The following SLC6A17 variants were observed in gnomAD, a reference collection of about 807,000 sequenced individuals.
SLC6A17 encodes the protein solute carrier family 6 member 17.
In SLC6A17, 21 loss-of-function variants were observed where a neutral mutation model predicts 64.5. The ratio of observed to expected loss-of-function variants is 0.33; its 90% CI spans 0.23 to 0.47. SLC6A17 has a LOEUF of 0.47. SLC6A17 is among the 20% of genes least tolerant of loss of function. The probability of loss-of-function intolerance (pLI) is 1.00; values close to 1 mark genes in which losing one functional copy is unlikely to be tolerated. For missense variants in SLC6A17, 682 were observed against 963.2 expected (o/e 0.71, Z 3.86); for synonymous variants, 372 against 399.5 (o/e 0.93, Z 0.82).
Position 110,192,308 on chromosome 1 carries a change from G to A in SLC6A17, c.1106+95G>A. ...GGCGCAGGTGTGCATGGGGAGAGAG[G>A]TCCCCTCCACTCAGACTGAGGAATG... On this transcript the variant is annotated intron_variant, in intron 7 of 11. Coordinates refer to ENST00000331565, the MANE Select transcript of SLC6A17 (RefSeq NM_001010898.4). The surrounding 1 kb of genome is among the most constrained non-coding windows in gnomAD (Gnocchi z 4.3). The A allele has an allele frequency of 6.6e-7, 1 of 1,522,892 alleles. No individual in the cohort carries two copies. The highest frequency in any genetic ancestry group is 8.9e-7 in the Non-Finnish European group (1 of 1,122,800). The allele number at this position is 1,522,892 out of a possible 1,614,324, so 94.3% of individuals were successfully genotyped here. A position where few individuals can be genotyped will look rare whatever the true frequency, so the allele number is the denominator to read the frequency against.
chr1:110,156,076 C>T (rs958418598), intron 1 of SLC6A17, among the ~76,000 whole-genome samples: 1 of 152,196 alleles, frequency 6.6e-6, no homozygotes, highest in African/African-American at 2.4e-5. Flanking sequence ...GGGGCTGGCT[C>T]GCAGAATAGC....
intron 2 of SLC6A17, 102 bp downstream of exon 2, chr1:110,167,317 T>C: frequency 1.4e-6 from 2 of 1,420,930 alleles, no homozygotes; most frequent in Non-Finnish European, 1.9e-6. Flanking sequence ...GGAGCCCTTG[T>C]AGGTTGGAGC....
chr1:110,195,520 C>G (rs576012135), intron 9 of SLC6A17, 66 bp from the exon 10 acceptor site: 2 of 1,580,434 alleles, frequency 1.3e-6, no homozygotes, highest in Non-Finnish European at 1.7e-6. Flanking sequence ...TGGGTGCCCC[C>G]GAGACCCCCA....
At chr1:110,191,393 G>A (rs569893744) in intron 6 of SLC6A17, among the ~76,000 whole-genome samples, 3 of 152,334 alleles carry the variant, frequency 2.0e-5, no homozygotes, top group Admixed American at 1.3e-4. Context: ...AAGCTTAGGC[G>A]GAGGCCCTTT....
rs1656909032 is a variant in SLC6A17 at position 110,194,523 on chromosome 1, G to A, written c.1300-56G>A. 5 of 1,572,878 alleles carry A rather than the reference G, an allele frequency of 3.2e-6. No homozygotes were observed. In the Admixed American group the frequency reaches 8.5e-5, roughly 27 times the overall value. Reference sequence around the variant, plus strand: ...TTTGAAGGGCAGAGGGAAGGAAGCAGTGGGCTCCCCAGGGAGGGGTGACCT... The same window carrying A: ...TTTGAAGGGCAGAGGGAAGGAAGCAATGGGCTCCCCAGGGAGGGGTGACCT... On this transcript the variant is annotated intron_variant, in intron 8 of 11. Transcript: ENST00000331565.
chr1:110,183,087 A>C (rs879313433), intron 6 of SLC6A17, among the ~76,000 whole-genome samples: 2 of 152,240 alleles, frequency 1.3e-5, no homozygotes, highest in Non-Finnish European at 2.9e-5. Context: ...GGTTAAACAG[A>C]GTTAGCATAT....
At chr1:110,170,598 C>T (rs2101845758) in intron 2 of SLC6A17, among the ~76,000 whole-genome samples, 1 of 152,360 alleles carries the variant, frequency 6.6e-6, no homozygotes, top group African/African-American at 2.4e-5. Flanking sequence ...TAAAGACAGA[C>T]CCAGGGGTCT....
intron 1 of SLC6A17, among the ~76,000 whole-genome samples, chr1:110,152,038 T>C (rs1161452970): frequency 2.6e-5 from 4 of 152,212 alleles, no homozygotes; most frequent in Non-Finnish European, 4.4e-5. Flanking sequence ...AGCGCCTAAC[T>C]GTTAAGGCCT....
In SLC6A17 at chr1:110,174,898, C is replaced by T. The variant is rs1306681861; in HGVS notation, c.691C>T (p.Leu231Phe). 1 of 1,614,200 alleles carries T rather than the reference C, an allele frequency of 6.2e-7. No individual in the cohort carries two copies. ...CCTCAACTGGAAGATGACCCTGTGC[C>T]TCCTCGTGGCCTGGAGCATCGTGGG... ...GGLNWKMTLC[L>F]LVAWSIVGMA... is the part of the protein sequence containing the mutation. Residue 231 changes from leucine to phenylalanine, a missense_variant, in exon 5 of 12, where the codon CTC becomes TTC. Leu to Phe is a conservative substitution (Grantham distance 22). This residue lies in a region of SLC6A17 where 415 missense variants were observed against 603.8 expected (regional missense o/e 0.69). Coordinates refer to ENST00000331565, the MANE Select transcript of SLC6A17 (RefSeq NM_001010898.4).
chr1:110,190,755 C>T (rs61784495), intron 6 of SLC6A17, among the ~76,000 whole-genome samples: 4 of 151,924 alleles, frequency 2.6e-5, no homozygotes, highest in Non-Finnish European at 5.9e-5. Flanking sequence ...TTAGGTTCAC[C>T]TCAGCAGCAA....
intron 10 of SLC6A17, among the ~76,000 whole-genome samples, chr1:110,196,085 G>C (rs1334667402): frequency 6.6e-6 from 1 of 152,202 alleles, no homozygotes; most frequent in African/African-American, 2.4e-5. Flanking sequence ...AGAACGTGTA[G>C]ACTTCAGCAG....
Position 110,172,082 on chromosome 1 carries a change from G to A in SLC6A17, c.309G>A (p.Leu103=). 1 of 1,614,120 alleles carries A rather than the reference G, an allele frequency of 6.2e-7. No homozygotes were observed. Among genetic ancestry groups the A allele is most frequent in the Non-Finnish European group, 8.5e-7 (1 of 1,180,004 alleles). The change falls in exon 3 of 12, where the codon CTG becomes CTA. Residue 103 remains leucine (L), a synonymous_variant. Coordinates refer to ENST00000331565, the MANE Select transcript of SLC6A17 (RefSeq NM_001010898.4). ...CAGGTGCTTACCTGGTGCCCTACCT[G>A]GTGCTGCTGATCATCATCGGGATCC... ...NGGGAYLVPY[L]VLLIIIGIPL... is the part of the protein sequence containing the mutation.
intron 1 of SLC6A17, among the ~76,000 whole-genome samples, chr1:110,163,502 C>T (rs954426565): frequency 1.2e-4 from 18 of 152,180 alleles, no homozygotes; most frequent in Admixed American, 3.3e-4. Context: ...ACTCTGTGTG[C>T]GGCTGCTCAT....
At chr1:110,159,465 T>C (rs183099668) in intron 1 of SLC6A17, among the ~76,000 whole-genome samples, 56 of 152,226 alleles carry the variant, frequency 3.7e-4, no homozygotes, top group South Asian at 2.3e-3. Context: ...AAACAAGATA[T>C]TGACTCAAGA....
intron 1 of SLC6A17, among the ~76,000 whole-genome samples, chr1:110,155,207 C>T (rs1348600063): frequency 6.6e-6 from 1 of 152,154 alleles, no homozygotes; most frequent in African/African-American, 2.4e-5. Context: ...TCCCAGAAAC[C>T]CTTGCTTCAT....
rs915166421 is a variant in SLC6A17 at position 110,201,082 on chromosome 1, A to T, written c.*2638A>T. ...AAATCCTCAAATTTATTTACCAGTC[A>T]GCTTCTTGCTGTTCCCAGTAGAATC... On this transcript the variant is annotated 3_prime_UTR_variant, in exon 12 of 12. Transcript: ENST00000331565. The T allele has an allele frequency of 2.6e-5, 4 of 152,174 alleles. No individual in the cohort carries two copies. The highest frequency in any genetic ancestry group is 5.9e-5 in the Non-Finnish European group (4 of 68,024). 9.4% of individuals were successfully genotyped at this position (152,174 alleles called of 1,614,324 possible). A position where few individuals can be genotyped will look rare whatever the true frequency, so the allele number is the denominator to read the frequency against.
At chr1:110,155,143 G>A (rs1655722903) in intron 1 of SLC6A17, among the ~76,000 whole-genome samples, 1 of 152,168 alleles carries the variant, frequency 6.6e-6, no homozygotes, top group African/African-American at 2.4e-5. Flanking sequence ...TCCTGAAGGT[G>A]GATAACTGAA....
intron 6 of SLC6A17, among the ~76,000 whole-genome samples, chr1:110,180,820 C>T (rs904498242): frequency 2.6e-5 from 4 of 152,150 alleles, no homozygotes; most frequent in Non-Finnish European, 4.4e-5. Flanking sequence ...TGTTTGGTAC[C>T]TCTGGCAGAG....
intron 3 of SLC6A17, among the ~76,000 whole-genome samples, chr1:110,173,274 C>T (rs1337899600): frequency 3.3e-5 from 5 of 152,254 alleles, no homozygotes; most frequent in Non-Finnish European, 7.3e-5. Flanking sequence ...AGCTCTCACA[C>T]TGGCGCCAGT....
Sources: gnomAD v4.1 joint callset for allele counts (sites outside exome capture counted in the v4.1 genomes callset) on GRCh38, gnomAD v4.1.1 for gene constraint, gnomAD v4.1.1 regional missense constraint, Gnocchi (gnomAD v3.1) non-coding constraint, MANE v1.5 for transcripts, NCBI Gene and HGNC (gene_info 2026-07-23, HGNC 2026-07-21) for gene names.